Variants in NEK2 observed in about 807,000 individuals in gnomAD.
NEK2 encodes NIMA related kinase 2.
Under a neutral mutation model 54.1 loss-of-function variants are expected in NEK2, and 28 were observed. The ratio of observed to expected loss-of-function variants is 0.52; its 90% CI spans 0.38 to 0.71. NEK2 has a LOEUF of 0.71. NEK2 is among the 30% of genes least tolerant of loss of function. NEK2 has a pLI of 0.00. For missense variants in NEK2, 407 were observed against 531.5 expected, an observed-to-expected ratio of 0.77 and a Z score of 2.30; for synonymous variants, 176 against 193.1, an observed-to-expected ratio of 0.91 and a Z score of 0.73.
chr1:211,660,536 T>G (rs549365690), downstream of NEK2: 104 of 638,366 alleles, frequency 1.6e-4, 2 homozygotes, highest in South Asian at 1.3e-3. Context: ...TCATCCTGAA[T>G]CTTAAAGAAC....
chr1:211,660,121 T>C (rs544787517), downstream of NEK2: 82 of 174,486 alleles, frequency 4.7e-4, no homozygotes, highest in African/African-American at 1.9e-3. Flanking sequence ...TGAAGTTTTT[T>C]GTTTTGTTTT....
chr1:211,662,098 T>G (rs1200905528), downstream of NEK2, among the ~76,000 whole-genome samples: 1 of 152,168 alleles, frequency 6.6e-6, no homozygotes, highest in Admixed American at 6.5e-5. The surrounding 1 kb of genome is among the most constrained non-coding windows in gnomAD (Gnocchi z 4.2). Flanking sequence ...AGTTGACACA[T>G]AAATCAACAA....
At chr1:211,670,429 A>G (rs1655336844) in intron 4 of NEK2, 22 bp from the exon 5 acceptor site, 1 of 1,590,514 alleles carries the variant, frequency 6.3e-7, no homozygotes, top group South Asian at 1.2e-5. Context: ...AAAGAAGAAG[A>G]AGACGACGAA....
chr1:211,674,799 T>C (rs1336372036), intron 1 of NEK2, among the ~76,000 whole-genome samples: 2 of 152,154 alleles, frequency 1.3e-5, no homozygotes, highest in Non-Finnish European at 2.9e-5. Flanking sequence ...TAAAAGGTAC[T>C]ATAGTCAAAA....
downstream of NEK2, chr1:211,661,415 A>G (rs545566390): frequency 2.0e-5 from 6 of 298,920 alleles, no homozygotes; most frequent in South Asian, 2.5e-4. Context: ...AACACTTTGA[A>G]ATTCACTTTT....
At chr1:211,664,348 G>A (rs1381919774) in intron 7 of NEK2, among the ~76,000 whole-genome samples, 1 of 152,102 alleles carries the variant, frequency 6.6e-6, no homozygotes, top group Non-Finnish European at 1.5e-5. Context: ...TATTTTTTGT[G>A]TTAAAGGAAA....
downstream of NEK2, chr1:211,661,126 C>T (rs1655007999): frequency 5.4e-6 from 4 of 745,586 alleles, no homozygotes; most frequent in Admixed American, 1.8e-5. Flanking sequence ...TTGAGCTGGG[C>T]GATAGCATCT....
At chr1:211,674,786 G>T (rs1331899959) in intron 1 of NEK2, among the ~76,000 whole-genome samples, 1 of 152,146 alleles carries the variant, frequency 6.6e-6, no homozygotes, top group East Asian at 1.9e-4. Flanking sequence ...GTGGGAAGTT[G>T]GCTAAAAGGT....
intron 3 of NEK2, among the ~76,000 whole-genome samples, chr1:211,673,128 G>C (rs1284645322): frequency 6.6e-6 from 1 of 151,678 alleles, no homozygotes; most frequent in Non-Finnish European, 1.5e-5. Flanking sequence ...AGATGTTTTG[G>C]CTGGGCATGG....
At chr1:211,672,045 G>A (rs1159723497) in intron 3 of NEK2, among the ~76,000 whole-genome samples, 2 of 152,188 alleles carry the variant, frequency 1.3e-5, no homozygotes, top group African/African-American at 2.4e-5. Context: ...AAATGGTACT[G>A]TTCTGGCTAT....
chr1:211,675,275 C>G, intron 1 of NEK2, 109 bp downstream of exon 1: 2 of 948,274 alleles, frequency 2.1e-6, no homozygotes, highest in Non-Finnish European at 3.3e-6. Flanking sequence ...TTTAGTCTTC[C>G]GGGCACCCAT....
At chr1:211,669,570 T>C in intron 5 of NEK2, 1 of 497,836 alleles carries the variant, frequency 2.0e-6, no homozygotes, top group Non-Finnish European at 3.6e-6. Context: ...CCTTTTCACC[T>C]TTCTAAGAAG....
rs1337061434 is a variant in NEK2, at chr1:211,675,365, G to C, written c.96+19C>G. On this transcript the variant is annotated intron_variant, in intron 1 of 7. Transcript: ENST00000366999. ...CGAAACCTAAGCAGGGGCAGGCGCA[G>C]GGTAGGTCCCACGCTCACCTTGCCA... is the stretch of plus-strand genomic sequence containing the variant. 6.2e-7 allele frequency: 1 copy of C among 1,609,952 alleles called. No homozygotes were observed. Among genetic ancestry groups the C allele is most frequent in the Admixed American group, 1.7e-5 (1 of 59,940 alleles).
intron 7 of NEK2, among the ~76,000 whole-genome samples, chr1:211,665,854 C>T (rs1655162548): frequency 6.6e-6 from 1 of 152,134 alleles, no homozygotes; most frequent in Non-Finnish European, 1.5e-5. Context: ...GTTCCATTTA[C>T]AAAATGCTGC....
rs775627721 is a variant in NEK2 at position 211,674,440 on chromosome 1, T to C, written c.170A>G (p.Asn57Ser). 36 of 1,614,028 alleles carry C rather than the reference T, an allele frequency of 2.2e-5. No homozygotes were observed. Among genetic ancestry groups the C allele is most frequent in the Non-Finnish European group, 2.5e-5 (30 of 1,180,006 alleles). ...AEKQMLVSEVNLLRELKHPNI... is the reference protein window; with the variant it reads ...AEKQMLVSEVSLLRELKHPNI... ...TGGATGTTTCAGTTCACGAAGCAAA[T>C]TCACTTCAGAAACAAGCATCTGTTT... The change falls in exon 2 of 8, where the codon AAT (asparagine) becomes AGT (serine). Residue 57 changes from asparagine (N) to serine (S), a missense_variant. Asn to Ser is a conservative substitution (Grantham distance 46). Coordinates refer to ENST00000366999, the MANE Select transcript of NEK2 (RefSeq NM_002497.4).
intron 2 of NEK2, 85 bp from the exon 3 acceptor site, chr1:211,673,808 T>C (rs1655483991): frequency 2.3e-5 from 29 of 1,286,968 alleles, no homozygotes; most frequent in Non-Finnish European, 3.1e-5. Flanking sequence ...AGTGTACAAA[T>C]AGGGAATTTA....
At chr1:211,668,340 C>T (rs556892351) in intron 6 of NEK2, among the ~76,000 whole-genome samples, 1 of 152,228 alleles carries the variant, frequency 6.6e-6, no homozygotes, top group East Asian at 1.9e-4. Flanking sequence ...TAAATGCTTG[C>T]GAGTAGCTCT....
At chr1:211,658,801 C>T (rs147954775), downstream of NEK2, 367 of 285,918 alleles carry the variant, frequency 1.3e-3, 3 homozygotes, top group African/African-American at 8.0e-3. Context: ...TGCATATCCC[C>T]ATGGTTGGTA....
rs373891050 is a variant in NEK2 at position 211,663,681 on chromosome 1, G to C, written c.1112-29C>G. On this transcript the variant is annotated intron_variant, in intron 7 of 7. Coordinates refer to ENST00000366999, the MANE Select transcript of NEK2 (RefSeq NM_002497.4). ...TAGAAGGAAAAAGAAAAAGGGCTCT[G>C]AGTTACTTGAACAGAGTTCAACTCC... 6.2e-6 allele frequency: 10 copies of C among 1,601,158 alleles called. No individual in the cohort carries two copies. The Admixed American group carries it at 8.5e-5, about 14-fold the overall frequency.
Sources: gnomAD v4.1 joint callset for allele counts (sites outside exome capture counted in the v4.1 genomes callset) on GRCh38, gnomAD v4.1.1 for gene constraint, Gnocchi (gnomAD v3.1) non-coding constraint, MANE v1.5 for transcripts, NCBI Gene and HGNC (gene_info 2026-07-23, HGNC 2026-07-21) for gene names.